The following FUT8 variants were observed in gnomAD, a reference collection of about 807,000 sequenced individuals.
The protein encoded by FUT8 is alpha-(1,6)-fucosyltransferase.
In FUT8, 29 loss-of-function variants were observed where a neutral mutation model predicts 71.3. The observed-to-expected ratio is 0.41, with a 90% CI of 0.30 to 0.55. The LOEUF (loss-of-function observed/expected upper bound fraction) is 0.55, where lower values mean the gene tolerates loss of function less well. Ranked by LOEUF, FUT8 falls within the 20% of genes least tolerant of loss-of-function variation. The pLI, the probability that FUT8 is intolerant of heterozygous loss-of-function variation, is 0.34. For missense variants in FUT8, 544 were observed against 702.1 expected (o/e 0.77, Z 2.55); for synonymous variants, 254 against 239.3 (o/e 1.06, Z -0.57).
In FUT8 at chr14:65,643,665, T is replaced by TACAC. The variant is rs60967671; in HGVS notation, c.597+14106_597+14109dup. The stretch of plus-strand genomic sequence containing the variant: ...CGAGACTCCGTCTTTAAAAAAAAAA[T>TACAC]ACACACACACACACACACACACACA... On this transcript the variant is annotated intron_variant, in intron 6 of 10. Transcript: ENST00000673929. This position sits in a 1 kb window ranked among gnomAD's most constrained non-coding sequence, Gnocchi z 4.5. Among the ~76,000 whole-genome samples the TACAC allele has an allele frequency of 0.078, 9,723 of 124,532 alleles. 506 individuals are homozygous for TACAC. The highest frequency in any genetic ancestry group is 0.13 in the Middle Eastern group (30 of 224). The allele number at this position is 124,532 out of a possible 152,430, so 81.7% of individuals were successfully genotyped here. A position where few individuals can be genotyped will look rare whatever the true frequency, so the allele number is the denominator to read the frequency against.
chr14:65,633,004 T>TCC lies in FUT8; in HGVS notation c.597+3407_597+3408dup, dbSNP rs376298224. Among the ~76,000 whole-genome samples the TCC allele has an allele frequency of 8.0e-3, 622 of 77,920 alleles. 11 individuals are homozygous for TCC. Among genetic ancestry groups the TCC allele is most frequent in the African/African-American group, 0.026 (484 of 18,822 alleles). 51.1% of individuals were successfully genotyped at this position (77,920 alleles called of 152,430 possible). ...TTGCTCTCCCCTCTCCCCTCTCCCC[T>TCC]CCCCCCCCCCGTCTCCCCAGGGTCT... On this transcript the variant is annotated intron_variant, in intron 6 of 10. Coordinates refer to ENST00000673929, the MANE Select transcript of FUT8 (RefSeq NM_001371533.1).
At chr14:65,617,012 A>G in intron 5 of FUT8, 1 of 1,474,950 alleles carries the variant, frequency 6.8e-7, no homozygotes. Flanking sequence ...GCAGAACAAA[A>G]TGTATCTGAA....
intron 2 of FUT8, among the ~76,000 whole-genome samples, chr14:65,457,451 G>A (rs1386451353): frequency 6.6e-6 from 1 of 152,124 alleles, no homozygotes; most frequent in Non-Finnish European, 1.5e-5. Context: ...GGAGATACTA[G>A]GTAGCCTTCT....
intron 2 of FUT8, among the ~76,000 whole-genome samples, chr14:65,518,642 C>A (rs940910594): frequency 2.0e-5 from 3 of 152,070 alleles, no homozygotes; most frequent in Non-Finnish European, 1.5e-5. Flanking sequence ...CTCGTGCCTC[C>A]ACCACCCAAA....
chr14:65,539,208 ATGTACACTGTATT>A (rs1418372262), intron 2 of FUT8, among the ~76,000 whole-genome samples: 7 of 152,190 alleles, frequency 4.6e-5, no homozygotes, highest in Non-Finnish European at 1.5e-5. Flanking sequence ...GGCAATATGG[ATGTACACTGTATT>A]TCATCGTCCT....
At position 65,643,606 on chromosome 14, in the gene FUT8, A is replaced by T. The variant is rs1477561839; in HGVS notation, c.597+14000A>T. On this transcript the variant is annotated intron_variant, in intron 6 of 10. Transcript: ENST00000673929. The surrounding 1 kb of genome is among the most constrained non-coding windows in gnomAD (Gnocchi z 4.5). ...GAGGCGGAGCTTGCAGTGAGCAGAG[A>T]TCATGCCACTGCACTGCAGCCTGGG... is the stretch of plus-strand genomic sequence containing the variant. Among the ~76,000 whole-genome samples, 1 of 151,356 alleles carries T rather than the reference A, an allele frequency of 6.6e-6. No individual in the cohort carries two copies. The highest frequency in any genetic ancestry group is 1.5e-5 in the Non-Finnish European group (1 of 67,904).
chr14:65,619,979 A>T (rs997527833), intron 5 of FUT8, among the ~76,000 whole-genome samples: 1 of 152,106 alleles, frequency 6.6e-6, no homozygotes, highest in African/African-American at 2.4e-5. Context: ...GTGTACCTCA[A>T]CCTCTAAGCA....
At chr14:65,435,280 T>C (rs1464698059) in intron 1 of FUT8, among the ~76,000 whole-genome samples, 1 of 152,242 alleles carries the variant, frequency 6.6e-6, no homozygotes, top group East Asian at 1.9e-4. Context: ...TTTTTTTTAC[T>C]ATAATATTTT....
chr14:65,634,561 T>TAAAA (rs35052434), intron 6 of FUT8, among the ~76,000 whole-genome samples: 3 of 124,044 alleles, frequency 2.4e-5, no homozygotes, highest in East Asian at 2.3e-4. Context: ...AATGATCAAT[T>TAAAA]AAAAAAAAAA....
chr14:65,438,746 G>A (rs2065597916), intron 1 of FUT8, among the ~76,000 whole-genome samples: 2 of 152,084 alleles, frequency 1.3e-5, no homozygotes, highest in Non-Finnish European at 2.9e-5. Context: ...TTCCTGTTCT[G>A]TGGTTGAACT....
intron 6 of FUT8, among the ~76,000 whole-genome samples, chr14:65,655,343 G>T (rs899482838): frequency 6.6e-6 from 1 of 151,728 alleles, no homozygotes; most frequent in Non-Finnish European, 1.5e-5. Flanking sequence ...TGGCATGGTG[G>T]TGGGCACCTG....
chr14:65,566,463 G>A (rs1886200519), intron 3 of FUT8, among the ~76,000 whole-genome samples: 1 of 151,974 alleles, frequency 6.6e-6, no homozygotes, highest in Admixed American at 6.6e-5. Flanking sequence ...AAATCATGGT[G>A]GGCTTATATA....
At chr14:65,588,291 CT>C (rs1296353611) in intron 3 of FUT8, among the ~76,000 whole-genome samples, 4 of 152,250 alleles carry the variant, frequency 2.6e-5, no homozygotes, top group African/African-American at 9.6e-5. Context: ...GCTCTTCCTT[CT>C]GTTTGAAATG....
At position 65,742,234 on chromosome 14, in the gene FUT8, G is replaced by A. The variant is rs137899401; in HGVS notation, c.1552G>A (p.Ala518Thr). ...IAIYAHQPRT[A>T]DEIPMEPGDI... ...CATTTATGCTCACCAACCCCGAACTGCAGATGAAATTCCCATGGAACCTGG... is the reference window on the plus strand; with the variant it reads ...CATTTATGCTCACCAACCCCGAACTACAGATGAAATTCCCATGGAACCTGG... Residue 518 changes from alanine to threonine, a missense_variant, in exon 11 of 11, where the codon GCA (alanine) becomes ACA (threonine). By Grantham distance (58) the Ala-to-Thr change is moderately conservative. Coordinates refer to ENST00000673929, the MANE Select transcript of FUT8 (RefSeq NM_001371533.1). 1.4e-4 allele frequency: 218 copies of A among 1,612,974 alleles called. No individual in the cohort carries two copies. The highest frequency in any genetic ancestry group is 8.2e-4 in the Middle Eastern group (5 of 6,074).
At chr14:65,357,440 T>C in the FUT8 span, among the ~76,000 whole-genome samples, 1 of 152,176 alleles carries the variant, frequency 6.6e-6, no homozygotes, top group Non-Finnish European at 1.5e-5. Flanking sequence ...AATACCCAGA[T>C]TCACTGCTAG....
At chr14:65,516,730 G>A (rs2149839) in intron 2 of FUT8, among the ~76,000 whole-genome samples, 104,549 of 151,670 alleles carry the variant, frequency 0.69, 36,267 homozygotes, top group East Asian at 0.86. Context: ...CCCCCTTTTT[G>A]TTATGGTAAA....
rs143424152 is a variant in FUT8 at position 65,685,749 on chromosome 14, G to A, written c.835+16269G>A. The stretch of plus-strand genomic sequence containing the variant: ...TCCTTCCCATTTTAGACCATATAGG[G>A]TAACTTCATGATGTTGCCATGGCAT... On this transcript the variant is annotated intron_variant, in intron 7 of 10. Coordinates refer to ENST00000673929, the MANE Select transcript of FUT8 (RefSeq NM_001371533.1). Among the ~76,000 whole-genome samples, 777 of 152,292 alleles carry A rather than the reference G, an allele frequency of 5.1e-3. 7 individuals carry two copies. Among genetic ancestry groups the A allele is most frequent in the African/African-American group, 0.018 (743 of 41,562 alleles).
At chr14:65,371,766 T>C in the FUT8 span, among the ~76,000 whole-genome samples, 1 of 152,216 alleles carries the variant, frequency 6.6e-6, no homozygotes, top group African/African-American at 2.4e-5. Flanking sequence ...GTACTTTCCT[T>C]GTCCCAGGAG....
chr14:65,616,335 T>G lies in FUT8; in HGVS notation c.444T>G (p.His148Gln). 5.6e-6 allele frequency: 9 copies of G among 1,608,286 alleles called. No homozygotes were observed. The highest frequency in any genetic ancestry group is 7.6e-6 in the Non-Finnish European group (9 of 1,178,068). ...KNLEGNELQR[H>Q]ADEFLLDLGH... ...TAGAAGGAAATGAACTCCAAAGACA[T>G]GCAGATGAATTTCTTTTGGATTTAG... Residue 148 changes from histidine to glutamine, a missense_variant, in exon 5 of 11, where the codon CAT (histidine) becomes CAG (glutamine). Physicochemically the swap from His to Gln is conservative, Grantham distance 24. Coordinates refer to ENST00000673929, the MANE Select transcript of FUT8 (RefSeq NM_001371533.1).
Sources: gnomAD v4.1 joint callset for allele counts (sites outside exome capture counted in the v4.1 genomes callset) on GRCh38, gnomAD v4.1.1 for gene constraint, Gnocchi (gnomAD v3.1) non-coding constraint, MANE v1.5 for transcripts, NCBI Gene and HGNC (gene_info 2026-07-23, HGNC 2026-07-21) for gene names.